MXI1: variants seen among roughly 807,000 people sequenced by gnomAD.
MXI1 encodes the protein max-interacting protein 1.
In MXI1, 18 loss-of-function variants were observed where a neutral mutation model predicts 36.9. That is an observed-to-expected ratio of 0.49 (90% CI 0.34 to 0.72). The LOEUF is 0.72. MXI1 is among the 30% of genes least tolerant of loss of function. MXI1 has a pLI of 0.01. For synonymous variants in MXI1, 160 were observed against 146.7 expected (o/e 1.09, Z -0.65); for missense variants, 304 against 379.1 (o/e 0.80, Z 1.64).
intron 2 of MXI1, among the ~76,000 whole-genome samples, chr10:110,240,169 A>G (rs540712805): frequency 1.8e-4 from 28 of 152,086 alleles, no homozygotes; most frequent in Non-Finnish European, 3.7e-4. Flanking sequence ...TATCCATTCT[A>G]CTATTGATGA....
chr10:110,240,296 G>T (rs1453662199), intron 2 of MXI1, among the ~76,000 whole-genome samples: 1 of 151,948 alleles, frequency 6.6e-6, no homozygotes, highest in Non-Finnish European at 1.5e-5. Flanking sequence ...GAAATACTTA[G>T]TCATAAAGTA....
intron 1 of MXI1, chr10:110,227,270 G>C: frequency 1.2e-6 from 1 of 866,942 alleles, no homozygotes; most frequent in Non-Finnish European, 1.3e-6. Flanking sequence ...GGAAGGGCGT[G>C]CGCGTGTGGG....
chr10:110,237,939 G>C (rs1855529610), intron 2 of MXI1, among the ~76,000 whole-genome samples: 1 of 152,160 alleles, frequency 6.6e-6, no homozygotes, highest in Non-Finnish European at 1.5e-5. Context: ...ACAATGTCCA[G>C]CTGTTATGCT....
At chr10:110,252,432 A>G (rs1856128050) in intron 3 of MXI1, among the ~76,000 whole-genome samples, 1 of 152,068 alleles carries the variant, frequency 6.6e-6, no homozygotes, top group Admixed American at 6.5e-5. Flanking sequence ...ACACAGCGTG[A>G]TCATTTCCAT....
chr10:110,285,856 G>T lies in MXI1; in HGVS notation c.*869G>T, dbSNP rs1393849990. The stretch of plus-strand genomic sequence containing the variant: ...TGTGCACGCAGATTAGCAGGCCAAG[G>T]TCTGAGCCACAGCAGCATTTTTATT... On this transcript the variant is annotated 3_prime_UTR_variant, in exon 6 of 6. Transcript: ENST00000332674. 6.6e-6 allele frequency: 1 copy of T among 152,526 alleles called. No homozygotes were observed. Among genetic ancestry groups the T allele is most frequent in the African/African-American group, 2.4e-5 (1 of 41,392 alleles). 9.4% of individuals were successfully genotyped at this position (152,526 alleles called of 1,614,324 possible).
chr10:110,262,487 A>G (rs759550562), intron 3 of MXI1, among the ~76,000 whole-genome samples: 3 of 152,072 alleles, frequency 2.0e-5, no homozygotes. Context: ...AGATGGATAC[A>G]CTTTTGTTAC....
At chr10:110,217,462 CTTTG>C (rs1854682002) in intron 1 of MXI1, among the ~76,000 whole-genome samples, 2 of 152,092 alleles carry the variant, frequency 1.3e-5, no homozygotes, top group Non-Finnish European at 2.9e-5. Flanking sequence ...CTGGTGTGGA[CTTTG>C]TTTTTATTTC....
At chr10:110,273,433 C>G (rs908450578) in intron 3 of MXI1, among the ~76,000 whole-genome samples, 3 of 152,106 alleles carry the variant, frequency 2.0e-5, no homozygotes, top group Admixed American at 6.5e-5. Context: ...ACTCATGAAC[C>G]ACAATATGCT....
chr10:110,251,803 A>G (rs894546363), intron 3 of MXI1, among the ~76,000 whole-genome samples: 13 of 152,280 alleles, frequency 8.5e-5, no homozygotes, highest in Middle Eastern at 6.8e-3. Flanking sequence ...GGAAGCAGGA[A>G]TGTAGCATCA....
In MXI1 at chr10:110,214,310, G is replaced by T. The variant is rs573623937; in HGVS notation, c.274+6228G>T. Among the ~76,000 whole-genome samples, 53 of 152,292 alleles carry T rather than the reference G, an allele frequency of 3.5e-4. No homozygotes were observed. The South Asian group carries it at 0.011, about 31-fold the overall frequency. ...TTAGAAAAGGTTTCGAAGTGAGGCT[G>T]GAGTCAGAAGAGCCAACCAGAGAGG... On this transcript the variant is annotated intron_variant, in intron 1 of 5. Transcript: ENST00000332674.
Position 110,285,655 on chromosome 10 carries a change from T to G in MXI1, c.*668T>G, listed in dbSNP as rs1857411757. ...TTCCATGCTAAGCAAGCTAACCTTATCCTGCATTGTTAGCACTAGGCACCC... is the reference window on the plus strand; with the variant it reads ...TTCCATGCTAAGCAAGCTAACCTTAGCCTGCATTGTTAGCACTAGGCACCC... On this transcript the variant is annotated 3_prime_UTR_variant, in exon 6 of 6. Coordinates refer to ENST00000332674, the MANE Select transcript of MXI1 (RefSeq NM_130439.3). The G allele has an allele frequency of 6.6e-6, 1 of 152,270 alleles. No individual in the cohort carries two copies. Among genetic ancestry groups the G allele is most frequent in the Non-Finnish European group, 1.5e-5 (1 of 68,068 alleles). The allele number at this position is 152,270 out of a possible 1,614,324, so 9.4% of individuals were successfully genotyped here. A position where few individuals can be genotyped will look rare whatever the true frequency, so the allele number is the denominator to read the frequency against.
intron 3 of MXI1, among the ~76,000 whole-genome samples, chr10:110,265,515 T>C (rs1856651639): frequency 6.6e-6 from 1 of 152,148 alleles, no homozygotes; most frequent in African/African-American, 2.4e-5. Context: ...TGGAGTTCAT[T>C]TGAAGTGGTA....
At chr10:110,213,928 T>C (rs550630264) in intron 1 of MXI1, among the ~76,000 whole-genome samples, 1 of 152,368 alleles carries the variant, frequency 6.6e-6, no homozygotes, top group African/African-American at 2.4e-5. Flanking sequence ...TATTGAACAC[T>C]GACTATATTC....
At chr10:110,283,890 C>T (rs1015062541) in intron 5 of MXI1, among the ~76,000 whole-genome samples, 1 of 151,856 alleles carries the variant, frequency 6.6e-6, no homozygotes, top group African/African-American at 2.4e-5. Flanking sequence ...AAGAGTGATC[C>T]TCCCACCTTG....
In MXI1 at chr10:110,285,238, G is replaced by T. The variant is rs1023981479; in HGVS notation, c.*251G>T. ...GGAAAAATCACAATTTTTAATGGCA[G>T]CAGAAAACTTGTGTGAAATTTTCTT... On this transcript the variant is annotated 3_prime_UTR_variant, in exon 6 of 6. Transcript: ENST00000332674. The T allele has an allele frequency of 9.0e-6, 3 of 333,192 alleles. No individual in the cohort carries two copies. Among genetic ancestry groups the T allele is most frequent in the Non-Finnish European group, 1.6e-5 (3 of 185,216 alleles). The allele number at this position is 333,192 out of a possible 1,614,324, so 20.6% of individuals were successfully genotyped here.
chr10:110,239,732 T>G (rs1202039873), intron 2 of MXI1, among the ~76,000 whole-genome samples: 1 of 152,180 alleles, frequency 6.6e-6, no homozygotes, highest in Non-Finnish European at 1.5e-5. Flanking sequence ...AAGTAAGAAT[T>G]GATTTTTAAA....
In MXI1 at chr10:110,279,816, C is replaced by T; in HGVS notation, c.553-98C>T. On this transcript the variant is annotated intron_variant, in intron 4 of 5. Transcript: ENST00000332674. ...TTATATATTTTTATACACACTCACA[C>T]ATGTATATTCATTCATGTTTTCTCT... The T allele has an allele frequency of 3.6e-6, 3 of 823,580 alleles. 1 individual carries two copies. In the South Asian group the frequency reaches 8.0e-5, roughly 22 times the overall value. The allele number at this position is 823,580 out of a possible 1,614,324, so 51.0% of individuals were successfully genotyped here. A position where few individuals can be genotyped will look rare whatever the true frequency, so the allele number is the denominator to read the frequency against.
chr10:110,211,924 A>G (rs116700124), intron 1 of MXI1, among the ~76,000 whole-genome samples: 364 of 152,334 alleles, frequency 2.4e-3, no homozygotes, highest in African/African-American at 8.4e-3. Context: ...CATCACCTAT[A>G]TGCATTTTGA....
At chr10:110,218,074 C>T (rs1224652525) in intron 1 of MXI1, among the ~76,000 whole-genome samples, 4 of 152,170 alleles carry the variant, frequency 2.6e-5, no homozygotes, top group African/African-American at 9.7e-5. Flanking sequence ...GAGACTAAAA[C>T]CCCAGATTTT....
Sources: gnomAD v4.1 joint callset for allele counts (sites outside exome capture counted in the v4.1 genomes callset) on GRCh38, gnomAD v4.1.1 for gene constraint, MANE v1.5 for transcripts, NCBI Gene and HGNC (gene_info 2026-07-23, HGNC 2026-07-21) for gene names.